The following MROH9 variants were observed in gnomAD, a reference collection of about 807,000 sequenced individuals.
MROH9 encodes maestro heat-like repeat-containing protein family member 9.
A neutral mutation model predicts 98.2 loss-of-function variants in MROH9; 92 were observed. The observed-to-expected ratio is 0.94, with a 90% confidence interval of 0.79 to 1.11. The LOEUF (loss-of-function observed/expected upper bound fraction) is 1.11. MROH9 is among the 50% of genes most tolerant of loss of function. MROH9 has a pLI of 0.00. For synonymous variants in MROH9, 397 were observed against 368.9 expected (o/e 1.08, Z -0.87); for missense variants, 1,057 against 1,014.8 (o/e 1.04, Z -0.57).
rs531283719 is a variant in MROH9 at position 171,060,122 on chromosome 1, C to T, written c.2282-2010C>T. ...CCACTAAAGGACTTAACCATGTAAC[C>T]AAATACCACCTCTTCCCCCAAAGCC... On this transcript the variant is annotated intron_variant, in intron 20 of 21. Transcript: ENST00000367759. Among the ~76,000 whole-genome samples the T allele has an allele frequency of 2.6e-5, 4 of 151,834 alleles. No individual in the cohort carries two copies. The Middle Eastern group carries it at 0.01, about 387-fold the overall frequency.
chr1:171,015,089 T>A, intron 16 of MROH9: 1 of 471,128 alleles, frequency 2.1e-6, no homozygotes, highest in Admixed American at 2.4e-5. Flanking sequence ...AGTGCAAATG[T>A]TCTATAAATC....
intron 8 of MROH9, among the ~76,000 whole-genome samples, chr1:170,980,908 TAAA>T (rs990806996): frequency 6.6e-6 from 1 of 151,892 alleles, no homozygotes; most frequent in Non-Finnish European, 1.5e-5. Context: ...ACAGGGAACT[TAAA>T]AAAATTTACA....
intron 20 of MROH9, among the ~76,000 whole-genome samples, chr1:171,046,118 T>G (rs1218936655): frequency 6.6e-6 from 1 of 152,166 alleles, no homozygotes; most frequent in Admixed American, 6.5e-5. Context: ...GTGACTCTTC[T>G]GATTTTTTCG....
At chr1:171,004,702 A>C (rs1003328473) in intron 15 of MROH9, among the ~76,000 whole-genome samples, 3 of 152,042 alleles carry the variant, frequency 2.0e-5, no homozygotes, top group African/African-American at 7.2e-5. Context: ...CTGGAGCTAA[A>C]ATTCACAATG....
In MROH9 at chr1:170,983,535, G is replaced by A; in HGVS notation, c.729+1G>A. The A allele has an allele frequency of 6.3e-7, 1 of 1,575,058 alleles. No individual in the cohort carries two copies. Among genetic ancestry groups the A allele is most frequent in the Non-Finnish European group, 8.7e-7 (1 of 1,145,434 alleles). On this transcript the variant is annotated splice_donor_variant, in intron 9 of 21. Transcript: ENST00000367759. LOFTEE classifies it high-confidence loss of function. ...ACAAGACGAAAGTAAAATAGCTCAGGTAACTTAGCCCCCACTTTTTCCGAG... is the reference window on the plus strand; with the variant it reads ...ACAAGACGAAAGTAAAATAGCTCAGATAACTTAGCCCCCACTTTTTCCGAG...
chr1:170,945,529 T>C lies in MROH9; in HGVS notation c.-28T>C, dbSNP rs746799519. 1.2e-6 allele frequency: 2 copies of C among 1,611,540 alleles called. No homozygotes were observed. The highest frequency in any genetic ancestry group is 1.7e-6 in the Non-Finnish European group (2 of 1,178,462). On this transcript the variant is annotated 5_prime_UTR_variant, in exon 2 of 22. Transcript: ENST00000367759. ...GTGATATTTTTTGCAGCATTACTAG[T>C]AGAAGACTTTAATACACCTCTGTCA...
At chr1:170,987,699 C>T (rs1651196040) in intron 10 of MROH9, among the ~76,000 whole-genome samples, 1 of 152,194 alleles carries the variant, frequency 6.6e-6, no homozygotes, top group Non-Finnish European at 1.5e-5. Flanking sequence ...TCACAGCTCA[C>T]ACATGCATAC....
rs115749120 is a variant in MROH9, at chr1:171,001,841, G to A, written c.1596+3567G>A. Among the ~76,000 whole-genome samples, 1,327 of 152,212 alleles carry A rather than the reference G, an allele frequency of 8.7e-3. 17 individuals carry two copies. Among genetic ancestry groups the A allele is most frequent in the African/African-American group, 0.031 (1,279 of 41,540 alleles). On this transcript the variant is annotated intron_variant, in intron 15 of 21. Coordinates refer to ENST00000367759, the MANE Select transcript of MROH9 (RefSeq NM_001163629.2). Reference sequence around the variant, plus strand: ...TTGTTTAGTGCTGCCAGTGGAGTATGAAGTCCCCCACTATTATTGTGTTGC... The same window carrying A: ...TTGTTTAGTGCTGCCAGTGGAGTATAAAGTCCCCCACTATTATTGTGTTGC...
At chr1:170,983,989 C>G (rs1259163051) in intron 9 of MROH9, among the ~76,000 whole-genome samples, 1 of 152,158 alleles carries the variant, frequency 6.6e-6, no homozygotes, top group Non-Finnish European at 1.5e-5. Flanking sequence ...ATTTAAAAAG[C>G]CTACATGATA....
chr1:171,011,799 C>G (rs577515684), intron 15 of MROH9, among the ~76,000 whole-genome samples: 1 of 152,090 alleles, frequency 6.6e-6, no homozygotes, highest in African/African-American at 2.4e-5. Flanking sequence ...TTTACTTGTT[C>G]TTTTTTGTAT....
At chr1:171,035,480 C>T (rs536895814) in intron 20 of MROH9, among the ~76,000 whole-genome samples, 2 of 151,778 alleles carry the variant, frequency 1.3e-5, no homozygotes, top group South Asian at 4.2e-4. Context: ...CTTCTCTTCA[C>T]CAAATTATGT....
At chr1:170,966,951 C>A (rs1031490439) in intron 7 of MROH9, among the ~76,000 whole-genome samples, 3 of 152,100 alleles carry the variant, frequency 2.0e-5, no homozygotes, top group Admixed American at 6.6e-5. Flanking sequence ...TTGACTAGAG[C>A]CTAGTCACAT....
chr1:170,964,328 A>G (rs1378342899), intron 6 of MROH9, among the ~76,000 whole-genome samples: 1 of 149,766 alleles, frequency 6.7e-6, no homozygotes, highest in African/African-American at 2.5e-5. Context: ...AAGGGCTGAA[A>G]CCTCACTCCT....
chr1:170,937,764 C>T (rs921515012), intron 1 of MROH9, among the ~76,000 whole-genome samples: 3 of 152,004 alleles, frequency 2.0e-5, no homozygotes, highest in Non-Finnish European at 4.4e-5. Context: ...ACCTCGTGAT[C>T]CGCCCGCCTC....
At chr1:170,952,447 G>A (rs1649588561) in intron 3 of MROH9, among the ~76,000 whole-genome samples, 1 of 152,032 alleles carries the variant, frequency 6.6e-6, no homozygotes, top group Non-Finnish European at 1.5e-5. Context: ...CATGTCCTTT[G>A]TGGGGACATG....
chr1:170,995,338 G>T, intron 12 of MROH9, 51 bp from the exon 13 acceptor site: 1 of 1,605,852 alleles, frequency 6.2e-7, no homozygotes, highest in Non-Finnish European at 8.5e-7. Context: ...AGGTTGACCG[G>T]GTTTAGAGAA....
chr1:171,006,766 A>G (rs1401670393), intron 15 of MROH9, among the ~76,000 whole-genome samples: 1 of 151,068 alleles, frequency 6.6e-6, no homozygotes, highest in Non-Finnish European at 1.5e-5. Flanking sequence ...AAAAGTCTCA[A>G]TTGAATTATT....
At chr1:170,968,573 A>T (rs1199922653) in intron 7 of MROH9, among the ~76,000 whole-genome samples, 3 of 152,102 alleles carry the variant, frequency 2.0e-5, no homozygotes, top group African/African-American at 7.2e-5. Flanking sequence ...GTAAATAAAG[A>T]AAAAATTACT....
At chr1:171,058,160 A>G (rs1483652686) in intron 20 of MROH9, among the ~76,000 whole-genome samples, 1 of 152,172 alleles carries the variant, frequency 6.6e-6, no homozygotes, top group Non-Finnish European at 1.5e-5. Flanking sequence ...TACAAAATCA[A>G]TGTGCAAATA....
Sources: allele counts gnomAD v4.1 joint callset (sites outside exome capture counted in the v4.1 genomes callset), GRCh38; gene constraint gnomAD v4.1.1; transcripts MANE v1.5; gene names NCBI Gene and HGNC (gene_info 2026-07-23, HGNC 2026-07-21).